ZC2HC1A: variants seen among roughly 807,000 people sequenced by gnomAD.
The protein encoded by ZC2HC1A is zinc finger C2HC domain-containing protein 1A.
In ZC2HC1A, 28 loss-of-function variants were observed where a neutral mutation model predicts 40.7. That is an observed-to-expected ratio of 0.69 (90% CI 0.51 to 0.94). The LOEUF is 0.94. Ranked by LOEUF, ZC2HC1A falls within the 40% of genes least tolerant of loss-of-function variation. The pLI is 0.00. For missense variants in ZC2HC1A, 389 were observed against 386.3 expected (o/e 1.01, Z -0.06); for synonymous variants, 129 against 129.2 (o/e 1.00, Z 0.01).
At chr8:78,669,786 T>C (rs569145808) in intron 1 of ZC2HC1A, among the ~76,000 whole-genome samples, 1 of 152,282 alleles carries the variant, frequency 6.6e-6, no homozygotes, top group Admixed American at 6.5e-5. Context: ...ATGTAACATT[T>C]TATATATTAG....
intron 1 of ZC2HC1A, among the ~76,000 whole-genome samples, chr8:78,673,250 C>CT (rs985631112): frequency 1.3e-5 from 2 of 152,062 alleles, no homozygotes; most frequent in African/African-American, 2.4e-5. Flanking sequence ...TGAACTCATT[C>CT]TTTTTTATGG....
intron 4 of ZC2HC1A, 40 bp downstream of exon 4, chr8:78,686,648 G>T: frequency 7.1e-7 from 1 of 1,417,908 alleles, no homozygotes; most frequent in South Asian, 1.8e-5. Context: ...CATGTGGAAA[G>T]AAAATAATGA....
chr8:78,694,286 G>T (rs201313282), intron 5 of ZC2HC1A, among the ~76,000 whole-genome samples: 3 of 142,486 alleles, frequency 2.1e-5, no homozygotes, highest in South Asian at 2.2e-4. Flanking sequence ...TATGTTCCTT[G>T]TTTTTTTTTT....
At position 78,686,489 on chromosome 8, in the gene ZC2HC1A, C is replaced by A; in HGVS notation, c.233C>A (p.Ser78Tyr). ...TAGCCAGAACCACCAAAGAAACCAT[C>A]TAATTGGAGAAGGAAACATGAAGAA... ...KPRPEPPKKP[S>Y]NWRRKHEEFI... The change falls in exon 4 of 9, where the codon TCT becomes TAT. Residue 78 changes from serine (S) to tyrosine (Y), a missense_variant. Transcript: ENST00000263849. 6.6e-7 allele frequency: 1 copy of A among 1,524,312 alleles called. No homozygotes were observed. The allele number at this position is 1,524,312 out of a possible 1,614,324, so 94.4% of individuals were successfully genotyped here.
chr8:78,671,372 A>T (rs1232435813), intron 1 of ZC2HC1A, among the ~76,000 whole-genome samples: 1 of 152,156 alleles, frequency 6.6e-6, no homozygotes, highest in Non-Finnish European at 1.5e-5. Flanking sequence ...ACTTGGTTGT[A>T]TCCATCACCT....
intron 7 of ZC2HC1A, among the ~76,000 whole-genome samples, chr8:78,701,400 T>C (rs955525234): frequency 1.3e-5 from 2 of 152,178 alleles, no homozygotes; most frequent in African/African-American, 4.8e-5. Context: ...TGGGCTGATA[T>C]AATGGGGTTT....
intron 2 of ZC2HC1A, 134 bp downstream of exon 2, chr8:78,675,997 G>T (rs538054253): frequency 7.0e-4 from 429 of 610,230 alleles, no homozygotes; most frequent in Middle Eastern, 9.7e-4. Context: ...TTGTTCAAGG[G>T]TCTTGATTTC....
chr8:78,709,290 T>C (rs1367536189), intron 7 of ZC2HC1A, among the ~76,000 whole-genome samples: 2 of 152,234 alleles, frequency 1.3e-5, no homozygotes, highest in Non-Finnish European at 2.9e-5. Flanking sequence ...ATTTAAAACA[T>C]TAAGAAGTAA....
At chr8:78,666,925 CAAAG>C (rs1216839616) in intron 1 of ZC2HC1A, among the ~76,000 whole-genome samples, 1 of 152,152 alleles carries the variant, frequency 6.6e-6, no homozygotes, top group African/African-American at 2.4e-5. Flanking sequence ...CACCTAAAAA[CAAAG>C]GAAGGACAAA....
At chr8:78,668,997 C>T (rs1358925126) in intron 1 of ZC2HC1A, among the ~76,000 whole-genome samples, 2 of 152,146 alleles carry the variant, frequency 1.3e-5, no homozygotes, top group African/African-American at 2.4e-5. Flanking sequence ...GATCTTAGTA[C>T]TGCCCTCTAA....
rs750862330 is a variant in ZC2HC1A, at chr8:78,717,377, A to G, written c.862A>G (p.Ile288Val). 6 of 1,613,750 alleles carry G rather than the reference A, an allele frequency of 3.7e-6. No individual in the cohort carries two copies. Among genetic ancestry groups the G allele is most frequent in the South Asian group, 3.3e-5 (3 of 91,054 alleles). Reference protein sequence around the residue: ...SSLNGGNIKGIEGHSPGNLPK... With the variant: ...SSLNGGNIKGVEGHSPGNLPK... ...CCTTAATGGTGGAAATATTAAAGGC[A>G]TTGAAGGACATTCACCTGGAAACTT... Residue 288 changes from isoleucine to valine, a missense_variant, in exon 9 of 9, where the codon ATT becomes GTT. Ile to Val is a conservative substitution (Grantham distance 29). Transcript: ENST00000263849.
chr8:78,678,618 A>G lies in ZC2HC1A; in HGVS notation c.149A>G (p.Asp50Gly), dbSNP rs1268027183. Residue 50 changes from aspartate to glycine, a missense_variant, in exon 3 of 9, where the codon GAT becomes GGT. Transcript: ENST00000263849. ...GCAACTAAAAAACGGAAGACTTTTG[A>G]TTCAAGCAGACAGAGAGCTGAAGGA... is the stretch of plus-strand genomic sequence containing the variant. ...KTATKKRKTFDSSRQRAEGTD... is the reference protein window; with the variant it reads ...KTATKKRKTFGSSRQRAEGTD... 1 of 1,612,836 alleles carries G rather than the reference A, an allele frequency of 6.2e-7. No individual in the cohort carries two copies. Among genetic ancestry groups the G allele is most frequent in the Non-Finnish European group, 8.5e-7 (1 of 1,179,416 alleles).
In ZC2HC1A at chr8:78,719,139, A is replaced by G. The variant is rs1383350183; in HGVS notation, c.*1646A>G. On this transcript the variant is annotated 3_prime_UTR_variant, in exon 9 of 9. Transcript: ENST00000263849. ...TAATGAATTTAGAAGATGAATGCAT[A>G]TATTAGATTTCCATTTAAATCACTT... The G allele has an allele frequency of 1.3e-5, 2 of 151,822 alleles. No individual in the cohort carries two copies. The highest frequency in any genetic ancestry group is 3.0e-5 in the Non-Finnish European group (2 of 67,698). The allele number at this position is 151,822 out of a possible 1,614,324, so 9.4% of individuals were successfully genotyped here. A position where few individuals can be genotyped will look rare whatever the true frequency, so the allele number is the denominator to read the frequency against.
chr8:78,672,541 A>C (rs981165023), intron 1 of ZC2HC1A, among the ~76,000 whole-genome samples: 3 of 152,210 alleles, frequency 2.0e-5, no homozygotes, highest in African/African-American at 4.8e-5. Context: ...GATCACCAGC[A>C]GTATTTCTTC....
intron 4 of ZC2HC1A, among the ~76,000 whole-genome samples, chr8:78,687,912 A>AAT (rs200421095): frequency 0.78 from 89,330 of 114,546 alleles, 37,854 homozygotes; most frequent in East Asian, 0.95. Flanking sequence ...TATTTATATA[A>AAT]ATATATAATT....
In ZC2HC1A at chr8:78,687,521, T is replaced by C. The variant is rs901423262; in HGVS notation, c.352+913T>C. The stretch of plus-strand genomic sequence containing the variant: ...ATATAATAAATTATATATATTTATA[T>C]AATAAATTATATATTTATATAATAA... On this transcript the variant is annotated intron_variant, in intron 4 of 8. Coordinates refer to ENST00000263849, the MANE Select transcript of ZC2HC1A (RefSeq NM_016010.3). Among the ~76,000 whole-genome samples, 38 of 144,108 alleles carry C rather than the reference T, an allele frequency of 2.6e-4. 1 individual carries two copies. The highest frequency in any genetic ancestry group is 9.0e-4 in the African/African-American group (36 of 39,866). 94.5% of individuals were successfully genotyped at this position (144,108 alleles called of 152,430 possible).
intron 7 of ZC2HC1A, among the ~76,000 whole-genome samples, chr8:78,710,094 A>G (rs112749261): frequency 0.021 from 3,263 of 152,282 alleles, 122 homozygotes; most frequent in African/African-American, 0.068. Context: ...TATCGTCACC[A>G]TACTCATTCA....
chr8:78,680,286 C>CAAAAA (rs3070855), intron 3 of ZC2HC1A, among the ~76,000 whole-genome samples: 15 of 88,136 alleles, frequency 1.7e-4, no homozygotes, highest in African/African-American at 5.0e-4. Context: ...GACTCCGTCT[C>CAAAAA]AAAAAAAAAA....
intron 7 of ZC2HC1A, among the ~76,000 whole-genome samples, chr8:78,707,932 T>G (rs1222972301): frequency 6.6e-6 from 1 of 152,008 alleles, no homozygotes; most frequent in Non-Finnish European, 1.5e-5. Context: ...TGGCAAAGAC[T>G]ATGTCTGCCT....
Sources: allele counts gnomAD v4.1 joint callset (sites outside exome capture counted in the v4.1 genomes callset), GRCh38; gene constraint gnomAD v4.1.1; transcripts MANE v1.5; gene names NCBI Gene and HGNC (gene_info 2026-07-23, HGNC 2026-07-21).